The following GRIK2 variants were observed in gnomAD, a reference collection of about 807,000 sequenced individuals.
GRIK2 encodes the protein glutamate receptor ionotropic, kainate 2.
Under a neutral mutation model 100.3 loss-of-function variants are expected in GRIK2, and 32 were observed. That is an observed-to-expected ratio of 0.32 (90% CI 0.24 to 0.43). The LOEUF (loss-of-function observed/expected upper bound fraction) is 0.43. Ranked by LOEUF, GRIK2 falls within the 20% of genes least tolerant of loss-of-function variation. GRIK2 has a pLI of 1.00. For synonymous variants in GRIK2, 417 were observed against 389.4 expected, an observed-to-expected ratio of 1.07 and a Z score of -0.83; for missense variants, 843 against 1,114.9, an observed-to-expected ratio of 0.76 and a Z score of 3.47.
chr6:101,687,254 T>A (rs1247503840), intron 7 of GRIK2, among the ~76,000 whole-genome samples: 1 of 151,986 alleles, frequency 6.6e-6, no homozygotes, highest in Non-Finnish European at 1.5e-5. Context: ...TTGGTAGGTA[T>A]GTGTCATGTT....
At chr6:101,492,346 T>C (rs976970279) in intron 2 of GRIK2, among the ~76,000 whole-genome samples, 5 of 151,950 alleles carry the variant, frequency 3.3e-5, no homozygotes, top group African/African-American at 1.2e-4. Flanking sequence ...TAAATGCTTA[T>C]TGTTTTCCCT....
intron 10 of GRIK2, among the ~76,000 whole-genome samples, chr6:101,850,430 C>T: frequency 6.6e-6 from 1 of 151,812 alleles, no homozygotes; most frequent in East Asian, 1.9e-4. Context: ...AATTAATTTA[C>T]ATTTTAATGT....
At chr6:101,795,426 T>C (rs1232835232) in intron 7 of GRIK2, among the ~76,000 whole-genome samples, 1 of 152,108 alleles carries the variant, frequency 6.6e-6, no homozygotes, top group Non-Finnish European at 1.5e-5. Context: ...GTGTTATCAG[T>C]GGGCTAAGTG....
intron 2 of GRIK2, among the ~76,000 whole-genome samples, chr6:101,563,639 A>T (rs1465972111): frequency 6.6e-6 from 1 of 152,198 alleles, no homozygotes; most frequent in Non-Finnish European, 1.5e-5. Flanking sequence ...ATAAATTATA[A>T]ATGTCACAGG....
chr6:101,415,475 A>C (rs1776095783), intron 2 of GRIK2, among the ~76,000 whole-genome samples: 2 of 143,232 alleles, frequency 1.4e-5, no homozygotes, highest in South Asian at 2.2e-4. Flanking sequence ...GGTTCACGCC[A>C]TTCTCCTGCC....
intron 2 of GRIK2, among the ~76,000 whole-genome samples, chr6:101,423,319 G>C (rs1776511640): frequency 6.6e-6 from 1 of 152,246 alleles, no homozygotes; most frequent in Non-Finnish European, 1.5e-5. Context: ...AGAGAAACTT[G>C]TTCTTAGGTA....
chr6:101,630,902 G>A (rs1780710937), intron 4 of GRIK2, among the ~76,000 whole-genome samples: 1 of 150,248 alleles, frequency 6.7e-6, no homozygotes, highest in African/African-American at 2.5e-5. Flanking sequence ...TATGTATGCT[G>A]TTGCTCCCAT....
At chr6:102,058,742 ATAAGG>A (rs1373365980) in intron 16 of GRIK2, among the ~76,000 whole-genome samples, 2 of 151,548 alleles carry the variant, frequency 1.3e-5, no homozygotes, top group African/African-American at 2.4e-5. Context: ...TATTTCAAAA[ATAAGG>A]TAAACACTTG....
chr6:101,556,132 T>C (rs1435283148), intron 2 of GRIK2, among the ~76,000 whole-genome samples: 2 of 151,836 alleles, frequency 1.3e-5, no homozygotes, highest in Non-Finnish European at 2.9e-5. Context: ...TATATCTCCA[T>C]AAATGCTCAT....
At chr6:101,656,691 AG>A (rs988078518) in intron 4 of GRIK2, among the ~76,000 whole-genome samples, 1 of 152,198 alleles carries the variant, frequency 6.6e-6, no homozygotes, top group African/African-American at 2.4e-5. Flanking sequence ...AAACACAGAA[AG>A]CTTCCCAGTT....
chr6:101,507,773 G>T (rs754764112), intron 2 of GRIK2, among the ~76,000 whole-genome samples: 9 of 152,118 alleles, frequency 5.9e-5, no homozygotes, highest in Non-Finnish European at 1.0e-4. Flanking sequence ...CAGGCAAGAA[G>T]AATGGTAAAC....
intron 15 of GRIK2, among the ~76,000 whole-genome samples, chr6:102,050,906 T>G (rs1452187895): frequency 6.6e-6 from 1 of 152,112 alleles, no homozygotes; most frequent in African/African-American, 2.4e-5. Context: ...TTGGTGAGAT[T>G]TGTGTTTACT....
intron 12 of GRIK2, among the ~76,000 whole-genome samples, chr6:101,900,127 T>C (rs530349140): frequency 6.6e-6 from 1 of 152,302 alleles, no homozygotes; most frequent in East Asian, 1.9e-4. Flanking sequence ...TTTAGGAAGA[T>C]ATTAAAAATA....
chr6:101,537,868 A>G (rs1775791627), intron 2 of GRIK2, among the ~76,000 whole-genome samples: 1 of 151,800 alleles, frequency 6.6e-6, no homozygotes, highest in African/African-American at 2.4e-5. Context: ...GCAGATATTT[A>G]TTAGCACATG....
At chr6:101,621,539 T>C (rs1303112035) in intron 2 of GRIK2, among the ~76,000 whole-genome samples, 1 of 152,158 alleles carries the variant, frequency 6.6e-6, no homozygotes, top group East Asian at 1.9e-4. Context: ...TTTTATAGTA[T>C]ATATCAATGA....
intron 2 of GRIK2, among the ~76,000 whole-genome samples, chr6:101,599,896 CTTAAT>C (rs1014671924): frequency 2.0e-5 from 3 of 151,676 alleles, no homozygotes; most frequent in Admixed American, 6.6e-5. Context: ...GCTGCAGCTC[CTTAAT>C]TTAATTAAGT....
chr6:102,022,731 G>T (rs1769494831), intron 14 of GRIK2, among the ~76,000 whole-genome samples: 1 of 151,228 alleles, frequency 6.6e-6, no homozygotes, highest in African/African-American at 2.4e-5. Context: ...CATTGCCATT[G>T]TACCTTCATC....
chr6:101,908,693 A>G (rs577304658), intron 12 of GRIK2, among the ~76,000 whole-genome samples: 1 of 151,354 alleles, frequency 6.6e-6, no homozygotes, highest in African/African-American at 2.4e-5. Context: ...ATAAATTTGC[A>G]AAGTGTAATA....
At chr6:101,572,899 A>G (rs950307186) in intron 2 of GRIK2, among the ~76,000 whole-genome samples, 1 of 150,922 alleles carries the variant, frequency 6.6e-6, no homozygotes, top group South Asian at 2.1e-4. Context: ...CCCAGGCTGC[A>G]CTGCAGTGAC....
Sources: gnomAD v4.1 joint callset for allele counts (sites outside exome capture counted in the v4.1 genomes callset) on GRCh38, gnomAD v4.1.1 for gene constraint, MANE v1.5 for transcripts, NCBI Gene and HGNC (gene_info 2026-07-23, HGNC 2026-07-21) for gene names.